PCDH9: variants seen among roughly 807,000 people sequenced by gnomAD.
PCDH9 encodes protocadherin 9.
In PCDH9, 24 loss-of-function variants were observed where a neutral mutation model predicts 70.6. The ratio of observed to expected loss-of-function variants is 0.34; its 90% CI spans 0.25 to 0.48. The LOEUF (loss-of-function observed/expected upper bound fraction) is 0.48. PCDH9 is among the 20% of genes least tolerant of loss of function. The probability of loss-of-function intolerance (pLI) is 0.99; values close to 1 mark genes in which losing one functional copy is unlikely to be tolerated. For synonymous variants in PCDH9, 562 were observed against 558.5 expected, an observed-to-expected ratio of 1.01 and a Z score of -0.09; for missense variants, 1,281 against 1,503.6, an observed-to-expected ratio of 0.85 and a Z score of 2.45.
At chr13:67,095,901 A>T (rs1419450598) in intron 2 of PCDH9, among the ~76,000 whole-genome samples, 1 of 152,170 alleles carries the variant, frequency 6.6e-6, no homozygotes, top group Non-Finnish European at 1.5e-5. Context: ...TAGAAACTAA[A>T]TGCCTTTGCT....
intron 2 of PCDH9, chr13:67,223,618 T>C (rs930861694): frequency 2.0e-5 from 3 of 152,152 alleles, no homozygotes; most frequent in African/African-American, 4.8e-5. Flanking sequence ...CTTATCATAG[T>C]TAACTATTTA....
intron 2 of PCDH9, among the ~76,000 whole-genome samples, chr13:67,176,211 T>C (rs373337657): frequency 1.3e-5 from 2 of 152,254 alleles, no homozygotes; most frequent in South Asian, 2.1e-4. Flanking sequence ...TTCATTAAGA[T>C]AGATGAACTC....
intron 4 of PCDH9, among the ~76,000 whole-genome samples, chr13:66,519,217 T>C (rs1959879186): frequency 6.6e-6 from 1 of 152,106 alleles, no homozygotes; most frequent in Non-Finnish European, 1.5e-5. Flanking sequence ...TAAGGTTCTG[T>C]AAGAATTAAA....
At chr13:67,157,468 T>G (rs1386863523) in intron 2 of PCDH9, among the ~76,000 whole-genome samples, 1 of 152,220 alleles carries the variant, frequency 6.6e-6, no homozygotes, top group African/African-American at 2.4e-5. Context: ...ATTTCCTTTT[T>G]ACCCAGAAGC....
At chr13:66,844,802 C>T (rs2081178267) in intron 3 of PCDH9, among the ~76,000 whole-genome samples, 1 of 152,138 alleles carries the variant, frequency 6.6e-6, no homozygotes, top group Non-Finnish European at 1.5e-5. Flanking sequence ...CCAAAAAGCA[C>T]TTCTCATATT....
chr13:66,932,906 A>T (rs970514406), intron 2 of PCDH9, among the ~76,000 whole-genome samples: 1 of 151,254 alleles, frequency 6.6e-6, no homozygotes, highest in African/African-American at 2.4e-5. Context: ...TTTAGAAAAT[A>T]TTAACATCAT....
At chr13:67,148,934 A>G (rs2087591101) in intron 2 of PCDH9, among the ~76,000 whole-genome samples, 2 of 152,306 alleles carry the variant, frequency 1.3e-5, no homozygotes, top group Middle Eastern at 3.4e-3. Context: ...TGCCAGTTCT[A>G]GGTAGGAATG....
Position 67,181,138 on chromosome 13 carries a change from A to G in PCDH9, c.3036+44267T>C, listed in dbSNP as rs150480330. Among the ~76,000 whole-genome samples, 4 of 152,258 alleles carry G rather than the reference A, an allele frequency of 2.6e-5. No homozygotes were observed. In the East Asian group the frequency reaches 5.8e-4, roughly 22 times the overall value. ...GGTCCTCTATAAAAGGCATTAACAT[A>G]ATGCTGGTTTTCTAGATCAGTGGTT... On this transcript the variant is annotated intron_variant, in intron 2 of 4. Coordinates refer to ENST00000377865, the MANE Select transcript of PCDH9 (RefSeq NM_203487.3).
intron 3 of PCDH9, among the ~76,000 whole-genome samples, chr13:66,672,401 G>A (rs747396948): frequency 1.1e-4 from 17 of 152,314 alleles, no homozygotes; most frequent in Non-Finnish European, 2.2e-4. Context: ...GAGGATGTAT[G>A]GAAATGCCTT....
At chr13:67,060,751 T>C (rs147964090) in intron 2 of PCDH9, among the ~76,000 whole-genome samples, 131 of 152,158 alleles carry the variant, frequency 8.6e-4, no homozygotes, top group African/African-American at 3.0e-3. Context: ...GGCATCAAAT[T>C]AACAAAGACC....
chr13:66,953,727 G>A (rs2083222376), intron 2 of PCDH9, among the ~76,000 whole-genome samples: 1 of 152,120 alleles, frequency 6.6e-6, no homozygotes, highest in Non-Finnish European at 1.5e-5. Context: ...CCCAGCATGT[G>A]GTATATGTGT....
rs1395729134 is a variant in PCDH9, at chr13:66,547,862, ATAT to A, written c.3340+83345_3340+83347del. ...AGTCATAATAATATGATATTTAATT[ATAT>A]TATTATATAATAATATGATATTTAA... On this transcript the variant is annotated intron_variant, in intron 4 of 4. Coordinates refer to ENST00000377865, the MANE Select transcript of PCDH9 (RefSeq NM_203487.3). Among the ~76,000 whole-genome samples, 4 of 146,906 alleles carry A rather than the reference ATAT, an allele frequency of 2.7e-5. No homozygotes were observed. In the South Asian group the frequency reaches 6.4e-4, roughly 23 times the overall value.
At chr13:67,214,889 T>C (rs1261544541) in intron 2 of PCDH9, 1 of 138,986 alleles carries the variant, frequency 7.2e-6, no homozygotes, top group South Asian at 2.3e-4. Context: ...GGACAGGAGG[T>C]AGAAAAACAG....
intron 2 of PCDH9, among the ~76,000 whole-genome samples, chr13:67,032,730 A>C (rs1165485217): frequency 6.6e-6 from 1 of 152,210 alleles, no homozygotes; most frequent in East Asian, 1.9e-4. Flanking sequence ...TAGTTTTACT[A>C]TATTCATAGC....
intron 4 of PCDH9, among the ~76,000 whole-genome samples, chr13:66,595,914 T>C (rs1472611654): frequency 1.3e-5 from 2 of 151,668 alleles, no homozygotes; most frequent in Non-Finnish European, 3.0e-5. Context: ...AAAATAAACG[T>C]AAAATTTAGC....
At chr13:66,792,786 T>C (rs1442254931) in intron 3 of PCDH9, among the ~76,000 whole-genome samples, 1 of 152,156 alleles carries the variant, frequency 6.6e-6, no homozygotes, top group Non-Finnish European at 1.5e-5. Context: ...TACATGTGAA[T>C]GCCTAATAAA....
chr13:67,019,543 C>T (rs1201334237), intron 2 of PCDH9, among the ~76,000 whole-genome samples: 1 of 152,088 alleles, frequency 6.6e-6, no homozygotes, highest in African/African-American at 2.4e-5. Flanking sequence ...ACATATCCTA[C>T]ATATTACAAT....
chr13:66,931,250 CT>C (rs1260370002), intron 2 of PCDH9, among the ~76,000 whole-genome samples: 2 of 151,938 alleles, frequency 1.3e-5, no homozygotes, highest in Non-Finnish European at 2.9e-5. Flanking sequence ...CCTTTTTCTG[CT>C]TTGTTCATTT....
chr13:67,156,410 TG>T (rs2087814387), intron 2 of PCDH9, among the ~76,000 whole-genome samples: 1 of 151,180 alleles, frequency 6.6e-6, no homozygotes, highest in South Asian at 2.1e-4. Context: ...GGCGAGAGGA[TG>T]TTGAGGGGAG....
Sources: allele counts gnomAD v4.1 joint callset (sites outside exome capture counted in the v4.1 genomes callset), GRCh38; gene constraint gnomAD v4.1.1; transcripts MANE v1.5; gene names NCBI Gene and HGNC (gene_info 2026-07-23, HGNC 2026-07-21).